The following CDH13 variants were observed in gnomAD, a reference collection of about 807,000 sequenced individuals.
CDH13 encodes the protein cadherin 13.
In CDH13, 24 loss-of-function variants were observed where a neutral mutation model predicts 63.8. The ratio of observed to expected loss-of-function variants is 0.38; its 90% CI spans 0.27 to 0.53. The LOEUF (loss-of-function observed/expected upper bound fraction) is 0.53, where lower values mean the gene tolerates loss of function less well. Among genes scored for constraint, CDH13 ranks in the 20% least tolerant of loss-of-function variants. The pLI is 0.85. For synonymous variants in CDH13, 503 were observed against 355.3 expected (o/e 1.42, Z -4.67); for missense variants, 1,049 against 903.1 (o/e 1.16, Z -2.07).
chr16:83,709,428 T>C (rs1038385347), intron 10 of CDH13, among the ~76,000 whole-genome samples: 4 of 152,214 alleles, frequency 2.6e-5, no homozygotes, highest in Non-Finnish European at 5.9e-5. Context: ...CCATTCAGCA[T>C]TCATCCATGC....
intron 3 of CDH13, among the ~76,000 whole-genome samples, chr16:83,037,285 G>A (rs1384797715): frequency 6.6e-6 from 1 of 152,080 alleles, no homozygotes; most frequent in Non-Finnish European, 1.5e-5. Context: ...GCAGATATGG[G>A]AACCTTGCCA....
chr16:82,869,684 C>T (rs1376556961), intron 2 of CDH13, among the ~76,000 whole-genome samples: 1 of 152,108 alleles, frequency 6.6e-6, no homozygotes, highest in Non-Finnish European at 1.5e-5. Flanking sequence ...TATGCATTTA[C>T]AGTGAACTCA....
intron 2 of CDH13, among the ~76,000 whole-genome samples, chr16:82,935,438 A>T (rs934988689): frequency 2.0e-5 from 3 of 152,188 alleles, no homozygotes; most frequent in African/African-American, 7.2e-5. Context: ...AAATAGTTAC[A>T]ACTGTTTTCA....
At chr16:82,781,697 C>G (rs1264711662) in intron 1 of CDH13, among the ~76,000 whole-genome samples, 4 of 152,210 alleles carry the variant, frequency 2.6e-5, no homozygotes, top group Non-Finnish European at 1.5e-5. Flanking sequence ...CTTACCTCCC[C>G]TCTCATCCAT....
chr16:83,430,394 A>G (rs916775977), intron 6 of CDH13, among the ~76,000 whole-genome samples: 5 of 152,232 alleles, frequency 3.3e-5, no homozygotes, highest in African/African-American at 1.2e-4. Flanking sequence ...AAAATGAATA[A>G]ATGAAAAACC....
chr16:83,432,286 A>T (rs546314475), intron 6 of CDH13, among the ~76,000 whole-genome samples: 2 of 152,346 alleles, frequency 1.3e-5, no homozygotes, highest in Admixed American at 1.3e-4. Context: ...GAGGAGTATC[A>T]GTAGCTGCAG....
chr16:83,529,969 A>G (rs916057130), intron 7 of CDH13, among the ~76,000 whole-genome samples: 4 of 152,158 alleles, frequency 2.6e-5, no homozygotes, highest in African/African-American at 4.8e-5. Flanking sequence ...AGAACTTGTG[A>G]AATGGGGTCG....
At chr16:83,386,664 A>G (rs2091680567) in intron 6 of CDH13, among the ~76,000 whole-genome samples, 1 of 152,168 alleles carries the variant, frequency 6.6e-6, no homozygotes, top group Non-Finnish European at 1.5e-5. Context: ...TTGTATCTTC[A>G]TTTAACTTGA....
chr16:83,434,411 C>T (rs1225429233), intron 6 of CDH13, among the ~76,000 whole-genome samples: 2 of 152,086 alleles, frequency 1.3e-5, no homozygotes, highest in African/African-American at 4.8e-5. Context: ...TCCCTGTTGC[C>T]TCTGAAATAT....
intron 8 of CDH13, among the ~76,000 whole-genome samples, chr16:83,649,973 T>C (rs1039560758): frequency 4.6e-5 from 7 of 152,192 alleles, no homozygotes; most frequent in African/African-American, 1.7e-4. Flanking sequence ...CATTGTCAAG[T>C]AAGCTGGAGT....
At chr16:83,668,093 C>G (rs1238299127) in intron 8 of CDH13, among the ~76,000 whole-genome samples, 1 of 152,196 alleles carries the variant, frequency 6.6e-6, no homozygotes, top group Non-Finnish European at 1.5e-5. Context: ...CATCCCTGGT[C>G]TTCTGGAACA....
At chr16:83,011,101 C>A (rs763579140) in intron 2 of CDH13, among the ~76,000 whole-genome samples, 4 of 152,142 alleles carry the variant, frequency 2.6e-5, no homozygotes, top group Admixed American at 2.6e-4. Context: ...ACAGCACAAT[C>A]TTTGGGGCTC....
At chr16:82,918,375 T>A (rs2042055280) in intron 2 of CDH13, among the ~76,000 whole-genome samples, 1 of 152,076 alleles carries the variant, frequency 6.6e-6, no homozygotes, top group Non-Finnish European at 1.5e-5. Context: ...TTTTGAGACA[T>A]CCTGAAGATG....
chr16:82,675,500 T>G (rs1229644752), intron 1 of CDH13, among the ~76,000 whole-genome samples: 1 of 152,184 alleles, frequency 6.6e-6, no homozygotes, highest in Non-Finnish European at 1.5e-5. Flanking sequence ...TCTCCTCTGG[T>G]AGGAAAAGAA....
At chr16:83,674,474 T>G (rs1393198884) in intron 9 of CDH13, among the ~76,000 whole-genome samples, 3 of 152,208 alleles carry the variant, frequency 2.0e-5, no homozygotes, top group Non-Finnish European at 4.4e-5. Context: ...CCGGCCAATT[T>G]CCCGTGATGT....
chr16:83,697,656 A>G (rs1362530221), intron 10 of CDH13, among the ~76,000 whole-genome samples: 1 of 152,152 alleles, frequency 6.6e-6, no homozygotes, highest in Non-Finnish European at 1.5e-5. Flanking sequence ...TCCCGAGAGC[A>G]ATGGTTTTTG....
intron 11 of CDH13, among the ~76,000 whole-genome samples, chr16:83,767,922 G>C (rs1914508145): frequency 6.6e-6 from 1 of 152,128 alleles, no homozygotes; most frequent in South Asian, 2.1e-4. Context: ...GTAGGTAGTG[G>C]TGATGGTCGC....
At chr16:83,650,660 A>C (rs1373720522) in intron 8 of CDH13, among the ~76,000 whole-genome samples, 1 of 152,160 alleles carries the variant, frequency 6.6e-6, no homozygotes, top group Non-Finnish European at 1.5e-5. Context: ...GCTGCTCAGC[A>C]TCTCCCAATG....
chr16:82,794,861 T>TAAGGGAGGTA (rs1379617169), intron 1 of CDH13, among the ~76,000 whole-genome samples: 1 of 152,164 alleles, frequency 6.6e-6, no homozygotes. Context: ...ACAGAACATA[T>TAAGGGAGGTA]AAACCCCTTT....
Sources: allele counts gnomAD v4.1 joint callset (sites outside exome capture counted in the v4.1 genomes callset), GRCh38; gene constraint gnomAD v4.1.1; transcripts MANE v1.5; gene names NCBI Gene and HGNC (gene_info 2026-07-23, HGNC 2026-07-21).